The following LGR4 variants were observed in gnomAD, a reference collection of about 807,000 sequenced individuals.
LGR4 encodes the protein leucine-rich repeat-containing G protein-coupled receptor 4.
In LGR4, 44 loss-of-function variants were observed where a neutral mutation model predicts 84.8. The observed-to-expected ratio is 0.52, with a 90% confidence interval of 0.41 to 0.67. LGR4 has a LOEUF of 0.67. Among genes scored for constraint, LGR4 ranks in the 30% least tolerant of loss-of-function variants. LGR4 has a pLI of 0.00. For synonymous variants in LGR4, 429 were observed against 434.3 expected (o/e 0.99, Z 0.15); for missense variants, 1,032 against 1,131.4 (o/e 0.91, Z 1.26).
chr11:27,418,906 C>T (rs961185601), intron 1 of LGR4, among the ~76,000 whole-genome samples: 4 of 148,624 alleles, frequency 2.7e-5, no homozygotes, highest in African/African-American at 1.0e-4. Flanking sequence ...ACAATCATGG[C>T]TCACTGCAGC....
intron 1 of LGR4, among the ~76,000 whole-genome samples, chr11:27,467,247 A>C (rs760057675): frequency 6.6e-6 from 1 of 152,052 alleles, no homozygotes; most frequent in Non-Finnish European, 1.5e-5. Context: ...CATTTAACAC[A>C]ATAGAGAGGA....
intron 1 of LGR4, among the ~76,000 whole-genome samples, chr11:27,445,264 GTGAGA>G (rs1447160264): frequency 6.6e-6 from 1 of 152,168 alleles, no homozygotes; most frequent in Non-Finnish European, 1.5e-5. Flanking sequence ...GCGGGCCAGT[GTGAGA>G]GACTGGAGGG....
chr11:27,421,124 G>A (rs1863916765), intron 1 of LGR4, among the ~76,000 whole-genome samples: 1 of 152,168 alleles, frequency 6.6e-6, no homozygotes, highest in Non-Finnish European at 1.5e-5. Context: ...ACAATGGGAC[G>A]AAGGGAGGGG....
At chr11:27,447,953 A>C in intron 1 of LGR4, among the ~76,000 whole-genome samples, 1 of 152,194 alleles carries the variant, frequency 6.6e-6, no homozygotes, top group East Asian at 1.9e-4. Context: ...ACTTCAATGA[A>C]CCTTATAATT....
chr11:27,456,335 C>T (rs1345550170), intron 1 of LGR4, among the ~76,000 whole-genome samples: 2 of 152,172 alleles, frequency 1.3e-5, no homozygotes, highest in African/African-American at 4.8e-5. Flanking sequence ...GTGTTCGAGT[C>T]AACTAAAGAG....
Position 27,371,607 on chromosome 11 carries a change from AGGCATACCTGTTGAAGGTGTACAAT to A in LGR4, c.1562_1579+7del. ...ATGGGTAACTGTGAAAAAATAGGCC[AGGCATACCTGTTGAAGGTGTACAAT>A]GGATAATTATTTGACTATGTTCTTC... On this transcript the variant is annotated splice_donor_variant and splice_donor_5th_base_variant and coding_sequence_variant and intron_variant, in exon 17 of 18. Coordinates refer to ENST00000379214, the MANE Select transcript of LGR4 (RefSeq NM_018490.5). LOFTEE classifies it high-confidence loss of function. 1 of 1,596,868 alleles carries A rather than the reference AGGCATACCTGTTGAAGGTGTACAAT, an allele frequency of 6.3e-7. No homozygotes were observed. Among genetic ancestry groups the A allele is most frequent in the African/African-American group, 1.3e-5 (1 of 74,576 alleles).
chr11:27,458,359 G>A (rs1434089292), intron 1 of LGR4, among the ~76,000 whole-genome samples: 1 of 152,052 alleles, frequency 6.6e-6, no homozygotes, highest in East Asian at 1.9e-4. Flanking sequence ...TAACTACAGA[G>A]AGGCATGGAA....
rs775339853 is a variant in LGR4, at chr11:27,376,310, A to G, written c.1170T>C (p.Ser390=). 3.8e-6 allele frequency: 6 copies of G among 1,574,190 alleles called. No homozygotes were observed. The Admixed American group carries it at 5.2e-5, about 14-fold the overall frequency. The change falls in exon 13 of 18, where the codon TCT becomes TCC. Residue 390 remains serine, a synonymous_variant. Coordinates refer to ENST00000379214, the MANE Select transcript of LGR4 (RefSeq NM_018490.5). Reference sequence around the variant, plus strand: ...ATAGACAAACTTACAGAATCCTTAGAGATATCAGGCCTTGAAAGGTGCCTT... The same window carrying G: ...ATAGACAAACTTACAGAATCCTTAGGGATATCAGGCCTTGAAAGGTGCCTT... ...IKEGTFQGLI[S]LRILDLSRNL...
chr11:27,406,820 TA>T (rs755546556), intron 2 of LGR4, among the ~76,000 whole-genome samples: 1 of 152,208 alleles, frequency 6.6e-6, no homozygotes. Flanking sequence ...ACTGAGGAAC[TA>T]TTTTGCTTTT....
intron 11 of LGR4, among the ~76,000 whole-genome samples, chr11:27,377,847 T>C (rs918006661): frequency 1.3e-5 from 2 of 152,206 alleles, no homozygotes; most frequent in African/African-American, 2.4e-5. Context: ...ACAGTTTTGG[T>C]CAATGACAGA....
rs1253123496 is a variant in LGR4 at position 27,412,841 on chromosome 11, T to C, written c.205A>G (p.Ile69Val). The change falls in exon 2 of 18, where the codon ATT (isoleucine) becomes GTT (valine). Residue 69 changes from isoleucine (I) to valine (V), a missense_variant. Physicochemically the swap from Ile to Val is conservative, Grantham distance 29. Transcript: ENST00000379214. ...AATGCATCTTCTGGCAACTGAGTAA[T>C]GTTGTTCATACTGATATCCCTGGAA... ...TQALDISMNN[I>V]TQLPEDAFKN... 2 of 1,601,658 alleles carry C rather than the reference T, an allele frequency of 1.2e-6. No individual in the cohort carries two copies. The highest frequency in any genetic ancestry group is 1.7e-4 in the Middle Eastern group (1 of 6,026).
intron 1 of LGR4, among the ~76,000 whole-genome samples, chr11:27,428,745 C>A (rs991477986): frequency 6.6e-5 from 10 of 151,792 alleles, no homozygotes; most frequent in African/African-American, 2.4e-4. Context: ...TTCTTTCTTT[C>A]TTTTTTTTGT....
At chr11:27,372,562 T>A (rs963479037) in intron 15 of LGR4, among the ~76,000 whole-genome samples, 164 bp from the exon 16 acceptor site, 1 of 152,210 alleles carries the variant, frequency 6.6e-6, no homozygotes, top group Non-Finnish European at 1.5e-5. Flanking sequence ...AGTTTCCTCA[T>A]CTGTGAAAAC....
At chr11:27,446,779 C>G (rs1386926756) in intron 1 of LGR4, among the ~76,000 whole-genome samples, 1 of 152,052 alleles carries the variant, frequency 6.6e-6, no homozygotes, top group East Asian at 1.9e-4. Flanking sequence ...AGACTTGGAA[C>G]CAACCCAAAT....
intron 1 of LGR4, among the ~76,000 whole-genome samples, chr11:27,455,998 G>A (rs1352391687): frequency 6.6e-6 from 1 of 152,190 alleles, no homozygotes; most frequent in African/African-American, 2.4e-5. Context: ...GAGCATCTAA[G>A]TTAATAACAA....
chr11:27,393,953 G>A (rs1375448077), intron 2 of LGR4, among the ~76,000 whole-genome samples: 3 of 109,940 alleles, frequency 2.7e-5, no homozygotes, highest in Admixed American at 9.3e-5. Context: ...GGGGGGGGGG[G>A]GCGCGGGAAG....
intron 1 of LGR4, among the ~76,000 whole-genome samples, chr11:27,447,571 A>G (rs1864413562): frequency 6.6e-6 from 1 of 152,184 alleles, no homozygotes; most frequent in African/African-American, 2.4e-5. Context: ...ATGATAAAGA[A>G]ATAACCATAA....
At chr11:27,388,529 A>G (rs1278452986) in intron 4 of LGR4, among the ~76,000 whole-genome samples, 2 of 152,146 alleles carry the variant, frequency 1.3e-5, no homozygotes, top group Non-Finnish European at 2.9e-5. Flanking sequence ...TGAATAACAT[A>G]TTTATTCACT....
intron 2 of LGR4, among the ~76,000 whole-genome samples, chr11:27,410,306 T>A (rs1863686356): frequency 6.6e-6 from 1 of 152,116 alleles, no homozygotes; most frequent in Non-Finnish European, 1.5e-5. Context: ...CTATACATAC[T>A]TCTTCTGTAT....
Sources: allele counts gnomAD v4.1 joint callset (sites outside exome capture counted in the v4.1 genomes callset), GRCh38; gene constraint gnomAD v4.1.1; transcripts MANE v1.5; gene names NCBI Gene and HGNC (gene_info 2026-07-23, HGNC 2026-07-21).